TSC22D1: variants seen among roughly 807,000 people sequenced by gnomAD.
TSC22D1 encodes the protein TSC22 domain family protein 1.
Under a neutral mutation model 74.2 loss-of-function variants are expected in TSC22D1, and 9 were observed. The ratio of observed to expected loss-of-function variants is 0.12; its 90% CI spans 0.07 to 0.21. The LOEUF (loss-of-function observed/expected upper bound fraction) is 0.21. Ranked by LOEUF, TSC22D1 falls within the 10% of genes least tolerant of loss-of-function variation. TSC22D1 has a pLI of 1.00. For missense variants in TSC22D1, 1,427 were observed against 1,304.7 expected, an observed-to-expected ratio of 1.09 and a Z score of -1.44; for synonymous variants, 586 against 492.5, an observed-to-expected ratio of 1.19 and a Z score of -2.51.
At chr13:44,449,954 G>A (rs1244502232) in intron 1 of TSC22D1, among the ~76,000 whole-genome samples, 1 of 152,186 alleles carries the variant, frequency 6.6e-6, no homozygotes, top group African/African-American at 2.4e-5. Flanking sequence ...TTATCAAGAT[G>A]AGTAAGACAC....
rs575378472 is a variant in TSC22D1, at chr13:44,467,163, A to G, written c.2913-31068T>C. Among the ~76,000 whole-genome samples the G allele has an allele frequency of 4.7e-5, 7 of 150,290 alleles. No individual in the cohort carries two copies. In the East Asian group the frequency reaches 1.4e-3, roughly 29 times the overall value. On this transcript the variant is annotated intron_variant, in intron 1 of 2. Transcript: ENST00000458659. ...GGCAACAGAGCAAGACTCCTTCTCA[A>G]AATAAACAAAAAAACAAAAAAAAAT...
In TSC22D1 at chr13:44,517,798, T is replaced by C. The variant is rs1438699766; in HGVS notation, c.2912+55365A>G. On this transcript the variant is annotated intron_variant, in intron 1 of 2. Coordinates refer to ENST00000458659, the MANE Select transcript of TSC22D1 (RefSeq NM_183422.4). ...ATATACACATATATATACATATATA[T>C]ACACACATATATATGTGTGTGTGTG... 2.2e-4 allele frequency among the ~76,000 whole-genome samples: 26 copies of C among 115,754 alleles called. 1 individual carries two copies. The highest frequency in any genetic ancestry group is 7.5e-4 in the African/African-American group (24 of 31,864). The allele number at this position is 115,754 out of a possible 152,430, so 75.9% of individuals were successfully genotyped here. A position where few individuals can be genotyped will look rare whatever the true frequency, so the allele number is the denominator to read the frequency against.
At chr13:44,536,695 A>C (rs1881144670) in intron 1 of TSC22D1, 1 of 962,498 alleles carries the variant, frequency 1.0e-6, no homozygotes, top group South Asian at 4.8e-5. Flanking sequence ...GCATTAAAAG[A>C]CTTGGTCAAA....
At chr13:44,525,089 T>G (rs1880485394) in intron 1 of TSC22D1, among the ~76,000 whole-genome samples, 1 of 152,110 alleles carries the variant, frequency 6.6e-6, no homozygotes, top group African/African-American at 2.4e-5. Context: ...TAGGGTTCTC[T>G]CTCTAGCTTT....
intron 1 of TSC22D1, among the ~76,000 whole-genome samples, chr13:44,557,185 G>A (rs1192266347): frequency 4.0e-5 from 6 of 151,044 alleles, no homozygotes; most frequent in African/African-American, 7.3e-5. Flanking sequence ...AAAAGTGGCC[G>A]GGCGCAGTGG....
At chr13:44,536,714 G>A (rs1359484202) in intron 1 of TSC22D1, 2 of 980,586 alleles carry the variant, frequency 2.0e-6, no homozygotes, top group African/African-American at 3.5e-5. Context: ...AATTACTCTT[G>A]ATATTTACAG....
intron 1 of TSC22D1, chr13:44,536,814 G>T: frequency 1.0e-6 from 1 of 983,046 alleles, no homozygotes; most frequent in Non-Finnish European, 1.2e-6. Flanking sequence ...AATCAGGAAA[G>T]ATGATGCTAA....
At chr13:44,535,707 C>T (rs1014742419) in intron 1 of TSC22D1, among the ~76,000 whole-genome samples, 2 of 151,830 alleles carry the variant, frequency 1.3e-5, no homozygotes, top group Non-Finnish European at 2.9e-5. Flanking sequence ...TAGTTAACCT[C>T]GTCAGTGATG....
intron 1 of TSC22D1, among the ~76,000 whole-genome samples, chr13:44,468,423 G>A (rs1877417507): frequency 6.7e-6 from 1 of 149,446 alleles, no homozygotes; most frequent in South Asian, 2.1e-4. Context: ...TTTACAATAT[G>A]CTAGGCAATT....
At chr13:44,516,386 C>G (rs752697083) in intron 1 of TSC22D1, 30 of 428,540 alleles carry the variant, frequency 7.0e-5, no homozygotes, top group African/African-American at 6.2e-4. Flanking sequence ...TTTTTAAAAT[C>G]TCTTAATAAA....
At chr13:44,559,634 C>T (rs1882904005) in intron 1 of TSC22D1, among the ~76,000 whole-genome samples, 1 of 152,024 alleles carries the variant, frequency 6.6e-6, no homozygotes, top group South Asian at 2.1e-4. Context: ...AAGCAATTGT[C>T]CAGCCTCCCT....
chr13:44,573,940 G>A lies in TSC22D1; in HGVS notation c.2135C>T (p.Pro712Leu), dbSNP rs753883160. ...CACTGCTGCCGGAGCCTGGCCAACA[G>A]GCTGGACAGATGCCCCTGCAGGTTG... ...PAQPAGASVQPVGQAPAAVSA... is the reference protein window; with the variant it reads ...PAQPAGASVQLVGQAPAAVSA... The change falls in exon 1 of 3, where the codon CCT becomes CTT. Residue 712 changes from proline (P) to leucine (L), a missense_variant. By Grantham distance (98) the Pro-to-Leu change is moderately conservative (BLOSUM62 -3). Transcript: ENST00000458659. 2 of 1,614,180 alleles carry A rather than the reference G, an allele frequency of 1.2e-6. No homozygotes were observed. Among genetic ancestry groups the A allele is most frequent in the South Asian group, 2.2e-5 (2 of 91,086 alleles).
chr13:44,481,382 G>T (rs371780692), intron 1 of TSC22D1, among the ~76,000 whole-genome samples: 1 of 152,112 alleles, frequency 6.6e-6, no homozygotes, highest in African/African-American at 2.4e-5. Context: ...GGGTGGTTCT[G>T]GTTCACTTAG....
intron 1 of TSC22D1, among the ~76,000 whole-genome samples, chr13:44,536,109 T>C (rs1190571652): frequency 6.6e-6 from 1 of 151,860 alleles, no homozygotes; most frequent in Non-Finnish European, 1.5e-5. Flanking sequence ...AAGCCAAGAA[T>C]GTTAGCTTCC....
intron 1 of TSC22D1, among the ~76,000 whole-genome samples, chr13:44,560,150 C>G (rs1226875064): frequency 1.3e-5 from 2 of 152,068 alleles, no homozygotes; most frequent in Non-Finnish European, 2.9e-5. Context: ...GGTAATCAGG[C>G]CAGGCACAGT....
chr13:44,514,546 C>T (rs141551977), intron 1 of TSC22D1, among the ~76,000 whole-genome samples: 4 of 151,818 alleles, frequency 2.6e-5, no homozygotes, highest in East Asian at 1.9e-4. Context: ...TGACAGTATA[C>T]GGAAACACAA....
rs761224810 is a variant in TSC22D1 at position 44,574,976 on chromosome 13, T to C, written c.1099A>G (p.Met367Val). The change falls in exon 1 of 3, where the codon ATG (methionine) becomes GTG (valine). Residue 367 changes from methionine to valine, a missense_variant. Physicochemically the swap from Met to Val is conservative, Grantham distance 21 (BLOSUM62 1). This residue lies in a region of TSC22D1 where 1,343 missense variants were observed against 1,191.5 expected (regional missense o/e 1.13). Transcript: ENST00000458659. ...SGVNVNILSGMGNGTISSSAA... is the reference protein window; with the variant it reads ...SGVNVNILSGVGNGTISSSAA... ...GAGGAAGAAATAGTACCATTGCCCA[T>C]GCCACTCAAGATATTCACATTAACA... 9.9e-6 allele frequency: 16 copies of C among 1,614,002 alleles called. No homozygotes were observed. The African/African-American group carries it at 1.9e-4, about 19-fold the overall frequency.
chr13:44,465,312 C>T (rs1216808278), intron 1 of TSC22D1, among the ~76,000 whole-genome samples: 1 of 152,116 alleles, frequency 6.6e-6, no homozygotes, highest in Non-Finnish European at 1.5e-5. Context: ...GAAGACTTTG[C>T]CAGGCTAAGA....
intron 1 of TSC22D1, among the ~76,000 whole-genome samples, chr13:44,567,842 ACCAAGTAC>A (rs888303480): frequency 1.3e-5 from 2 of 152,196 alleles, no homozygotes; most frequent in Admixed American, 6.5e-5. Context: ...GAAAGGGTTC[ACCAAGTAC>A]TCAGCACAGT....
Sources: gnomAD v4.1 joint callset for allele counts (sites outside exome capture counted in the v4.1 genomes callset) on GRCh38, gnomAD v4.1.1 for gene constraint, gnomAD v4.1.1 regional missense constraint, MANE v1.5 for transcripts, NCBI Gene and HGNC (gene_info 2026-07-23, HGNC 2026-07-21) for gene names.